The following FBLN7 variants were observed in gnomAD, a reference collection of about 807,000 sequenced individuals.
FBLN7 encodes the protein fibulin 7.
Under a neutral mutation model 44.0 loss-of-function variants are expected in FBLN7, and 31 were observed. The observed-to-expected ratio is 0.70, with a 90% CI of 0.53 to 0.95. The LOEUF (loss-of-function observed/expected upper bound fraction) is 0.95. Ranked by LOEUF, FBLN7 falls within the 40% of genes least tolerant of loss-of-function variation. FBLN7 has a pLI of 0.00. For synonymous variants in FBLN7, 262 were observed against 253.4 expected, an observed-to-expected ratio of 1.03 and a Z score of -0.32; for missense variants, 573 against 618.5, an observed-to-expected ratio of 0.93 and a Z score of 0.78.
chr2:112,140,346 C>T, intron 1 of FBLN7, among the ~76,000 whole-genome samples: 1 of 146,708 alleles, frequency 6.8e-6, no homozygotes, highest in Admixed American at 6.6e-5. Flanking sequence ...ATCCCTCCTT[C>T]CTCTCTCCCC....
At chr2:112,141,509 G>C (rs908614272) in intron 1 of FBLN7, among the ~76,000 whole-genome samples, 6 of 152,214 alleles carry the variant, frequency 3.9e-5, no homozygotes, top group African/African-American at 1.4e-4. Flanking sequence ...AAGGTAGTGA[G>C]GGGGCACCAC....
intron 4 of FBLN7, among the ~76,000 whole-genome samples, chr2:112,178,334 G>C (rs749131379): frequency 2.0e-5 from 3 of 148,858 alleles, no homozygotes; most frequent in Non-Finnish European, 4.4e-5. Flanking sequence ...GACCAATAAT[G>C]AGCTCTGAAA....
chr2:112,233,153 A>G, the FBLN7 span: 1 of 652,536 alleles, frequency 1.5e-6, no homozygotes, highest in Non-Finnish European at 2.5e-6. Context: ...GGGCTTGGAT[A>G]ATATCATTTT....
chr2:112,212,161 T>G, the FBLN7 span: 1 of 152,302 alleles, frequency 6.6e-6, no homozygotes, highest in African/African-American at 2.4e-5. Context: ...GCCATTTTCT[T>G]GCCGTGTCCT....
the FBLN7 span, among the ~76,000 whole-genome samples, chr2:112,217,233 T>C: frequency 6.6e-6 from 1 of 151,990 alleles, no homozygotes; most frequent in Non-Finnish European, 1.5e-5. Context: ...TAGCCAGACA[T>C]GGTGGCACAT....
chr2:112,160,782 GCA>G (rs1558880344), intron 2 of FBLN7, among the ~76,000 whole-genome samples: 85 of 131,464 alleles, frequency 6.5e-4, no homozygotes, highest in African/African-American at 2.4e-3. Context: ...AGACGCACAC[GCA>G]CGCACACGCA....
rs994891508 is a variant in FBLN7 at position 112,176,914 on chromosome 2, G to A, written c.532+1075G>A. 4 of 149,028 alleles carry A rather than the reference G, an allele frequency of 2.7e-5. No individual in the cohort carries two copies. In the Admixed American group the frequency reaches 2.7e-4, roughly 10 times the overall value. The allele number at this position is 149,028 out of a possible 1,614,324, so 9.2% of individuals were successfully genotyped here. ...TGAATGTTCTAAACCCCACTCTTTAGGGTTTCCTCCCACTGTGGGATTTTT... is the reference window on the plus strand; with the variant it reads ...TGAATGTTCTAAACCCCACTCTTTAAGGTTTCCTCCCACTGTGGGATTTTT... On this transcript the variant is annotated intron_variant, in intron 4 of 7. Coordinates refer to ENST00000331203, the MANE Select transcript of FBLN7 (RefSeq NM_153214.3).
In FBLN7 at chr2:112,138,645, C is replaced by T. The variant is rs762699020; in HGVS notation, c.-11C>T. 2 of 1,613,866 alleles carry T rather than the reference C, an allele frequency of 1.2e-6. No individual in the cohort carries two copies. The highest frequency in any genetic ancestry group is 4.5e-5 in the East Asian group (2 of 44,860). ...TTTCCCCTCCCAGGCAGCGGGATTC[C>T]GACTGGCAAGATGGTGCCCAGCTCT... On this transcript the variant is annotated 5_prime_UTR_variant, in exon 1 of 8. Transcript: ENST00000331203.
the FBLN7 span, among the ~76,000 whole-genome samples, chr2:112,198,938 GCTAA>G: frequency 2.6e-5 from 4 of 152,150 alleles, no homozygotes; most frequent in East Asian, 5.8e-4. Flanking sequence ...AGTGAGTCAG[GCTAA>G]CTAATTGGAA....
intron 4 of FBLN7, chr2:112,176,319 T>G (rs1385226176): frequency 6.5e-6 from 1 of 152,958 alleles, no homozygotes; most frequent in Non-Finnish European, 1.5e-5. Flanking sequence ...TCTCAACATA[T>G]CTCGACCCAG....
the FBLN7 span, among the ~76,000 whole-genome samples, chr2:112,238,086 A>G: frequency 5.9e-5 from 9 of 152,202 alleles, no homozygotes; most frequent in African/African-American, 2.2e-4. Context: ...GCCTTTGATA[A>G]CCCACCTCCA....
the FBLN7 span, among the ~76,000 whole-genome samples, chr2:112,201,507 A>AT: frequency 6.6e-6 from 1 of 152,018 alleles, no homozygotes; most frequent in Non-Finnish European, 1.5e-5. Context: ...AGTCAAGGGC[A>AT]TTTTTCCCTT....
At chr2:112,183,309 C>T (rs1458114690) in intron 6 of FBLN7, among the ~76,000 whole-genome samples, 2 of 152,230 alleles carry the variant, frequency 1.3e-5, no homozygotes, top group East Asian at 1.9e-4. Flanking sequence ...CTCCATGACC[C>T]TGTGTCCACC....
At chr2:112,214,915 T>A in the FBLN7 span, 1 of 152,180 alleles carries the variant, frequency 6.6e-6, no homozygotes, top group South Asian at 2.1e-4. Flanking sequence ...CTTAAAACAA[T>A]TAATTTGAAA....
At chr2:112,142,271 C>T (rs1250844905) in intron 1 of FBLN7, among the ~76,000 whole-genome samples, 1 of 152,214 alleles carries the variant, frequency 6.6e-6, no homozygotes, top group Admixed American at 6.5e-5. Context: ...CCAGAACTCT[C>T]TCTACTCTAA....
At chr2:112,207,803 T>C in the FBLN7 span, among the ~76,000 whole-genome samples, 6 of 152,250 alleles carry the variant, frequency 3.9e-5, no homozygotes, top group Non-Finnish European at 8.8e-5. Context: ...CTGAAGTCTA[T>C]TTTATTATTA....
At chr2:112,141,797 TA>T (rs1387884703) in intron 1 of FBLN7, among the ~76,000 whole-genome samples, 1 of 152,076 alleles carries the variant, frequency 6.6e-6, no homozygotes, top group Admixed American at 6.5e-5. Flanking sequence ...GGGAATGAGG[TA>T]AACACCTGTC....
rs573948734 is a variant in FBLN7, at chr2:112,148,620, G to A, written c.75+9890G>A. ...GTCAGGGCCAGACTCAGCTCATCTG[G>A]ACTGGCCTTGCTCGTTTGTCTGTAG... On this transcript the variant is annotated intron_variant, in intron 1 of 7. Transcript: ENST00000331203. Among the ~76,000 whole-genome samples the A allele has an allele frequency of 3.9e-5, 6 of 152,356 alleles. No individual in the cohort carries two copies. The South Asian group carries it at 1.2e-3, about 32-fold the overall frequency.
chr2:112,160,181 G>T (rs1160250689), intron 2 of FBLN7, among the ~76,000 whole-genome samples: 1 of 151,570 alleles, frequency 6.6e-6, no homozygotes, highest in South Asian at 2.1e-4. Flanking sequence ...TAGTAGAGAC[G>T]GGGTTTCACC....
Sources: gnomAD v4.1 joint callset for allele counts (sites outside exome capture counted in the v4.1 genomes callset) on GRCh38, gnomAD v4.1.1 for gene constraint, MANE v1.5 for transcripts, NCBI Gene and HGNC (gene_info 2026-07-23, HGNC 2026-07-21) for gene names.